The following MAPK10 variants were observed in gnomAD, a reference collection of about 807,000 sequenced individuals.
The protein encoded by MAPK10 is JNK3 alpha protein kinase.
In MAPK10, 25 loss-of-function variants were observed where a neutral mutation model predicts 59.3. The observed-to-expected ratio is 0.42, with a 90% confidence interval of 0.31 to 0.59. MAPK10 has a LOEUF of 0.59. MAPK10 is among the 20% of genes least tolerant of loss of function. The pLI is 0.15. For synonymous variants in MAPK10, 190 were observed against 200.5 expected (o/e 0.95, Z 0.44); for missense variants, 351 against 568.9 (o/e 0.62, Z 3.90).
chr4:86,107,902 TC>T (rs2056818484), intron 4 of MAPK10, among the ~76,000 whole-genome samples: 1 of 152,140 alleles, frequency 6.6e-6, no homozygotes, highest in Non-Finnish European at 1.5e-5. Context: ...CTTGCTATGT[TC>T]CCCAGGCTAG....
upstream of MAPK10, among the ~76,000 whole-genome samples, chr4:86,363,778 G>C (rs1427113426): frequency 6.6e-6 from 1 of 152,008 alleles, no homozygotes; most frequent in East Asian, 1.9e-4. Context: ...TAAAATTTTG[G>C]TTAAATAAAA....
At chr4:86,190,159 T>C (rs945249638) in intron 3 of MAPK10, among the ~76,000 whole-genome samples, 25 of 152,174 alleles carry the variant, frequency 1.6e-4, no homozygotes, top group Admixed American at 1.6e-3. Flanking sequence ...CAGTATTTTA[T>C]TGAGGATTTT....
intron 1 of MAPK10, among the ~76,000 whole-genome samples, chr4:86,511,350 A>G (rs1756222098): frequency 6.6e-6 from 1 of 151,958 alleles, no homozygotes; most frequent in African/African-American, 2.4e-5. Flanking sequence ...TGAGCTCAGG[A>G]GTTCGAGACC....
intron 1 of MAPK10, among the ~76,000 whole-genome samples, chr4:86,464,501 C>A (rs951151036): frequency 1.3e-5 from 2 of 152,212 alleles, no homozygotes; most frequent in African/African-American, 2.4e-5. Flanking sequence ...TTTCTTTACT[C>A]AATTGCAAAC....
At chr4:86,534,276 T>C (rs1353528980) in intron 1 of MAPK10, among the ~76,000 whole-genome samples, 1 of 152,180 alleles carries the variant, frequency 6.6e-6, no homozygotes, top group East Asian at 1.9e-4. Flanking sequence ...GACTTAGTTA[T>C]AAAATTAACC....
At chr4:86,442,843 A>G (rs1749572261) in intron 1 of MAPK10, among the ~76,000 whole-genome samples, 1 of 152,226 alleles carries the variant, frequency 6.6e-6, no homozygotes, top group Non-Finnish European at 1.5e-5. Flanking sequence ...TCAATATTTT[A>G]ATAAAAATAA....
intron 2 of MAPK10, among the ~76,000 whole-genome samples, chr4:86,223,202 C>G (rs975841190): frequency 1.3e-5 from 2 of 152,148 alleles, no homozygotes; most frequent in African/African-American, 2.4e-5. Context: ...ATATCAGCTC[C>G]CCTTTAATGA....
At chr4:86,383,638 A>G (rs1043793884) in intron 1 of MAPK10, among the ~76,000 whole-genome samples, 1 of 152,214 alleles carries the variant, frequency 6.6e-6, no homozygotes, top group Admixed American at 6.5e-5. Flanking sequence ...AAGGTATTCT[A>G]ATTAAAACAC....
At chr4:86,074,488 T>C (rs2048791418) in intron 9 of MAPK10, among the ~76,000 whole-genome samples, 1 of 147,054 alleles carries the variant, frequency 6.8e-6, no homozygotes, top group Admixed American at 6.7e-5. Context: ...CTTCCTAGTC[T>C]CGATGGTCTT....
chr4:86,132,191 T>C (rs1417839882), intron 4 of MAPK10, among the ~76,000 whole-genome samples: 1 of 152,222 alleles, frequency 6.6e-6, no homozygotes, highest in Non-Finnish European at 1.5e-5. Flanking sequence ...AACCTAATTA[T>C]TTAATCATTG....
chr4:86,131,670 A>C (rs1282595483), intron 4 of MAPK10, among the ~76,000 whole-genome samples: 1 of 152,212 alleles, frequency 6.6e-6, no homozygotes, highest in Non-Finnish European at 1.5e-5. Context: ...TTGTTTCAGC[A>C]TAAATCCTGT....
intron 1 of MAPK10, among the ~76,000 whole-genome samples, chr4:86,535,197 G>C (rs1245656926): frequency 1.3e-5 from 2 of 152,092 alleles, no homozygotes; most frequent in Admixed American, 1.3e-4. Context: ...ATTTGTTTCT[G>C]AGAAGTGATC....
At chr4:86,331,113 C>T (rs912736451) in intron 2 of MAPK10, among the ~76,000 whole-genome samples, 1 of 152,110 alleles carries the variant, frequency 6.6e-6, no homozygotes, top group Non-Finnish European at 1.5e-5. Context: ...CAGGTCATAA[C>T]TACCCATCTT....
rs190576358 is a variant in MAPK10 at position 86,169,941 on chromosome 4, G to A, written c.67-10474C>T. On this transcript the variant is annotated intron_variant, in intron 3 of 13. Transcript: ENST00000641462. ...TCTTAAAGAAAAGAATTTCAACCCA[G>A]AATTTCATATCCAGCCAAACTAAGC... is the stretch of plus-strand genomic sequence containing the variant. Among the ~76,000 whole-genome samples the A allele has an allele frequency of 2.4e-4, 36 of 152,194 alleles. No homozygotes were observed. In the East Asian group the frequency reaches 6.9e-3, roughly 29 times the overall value.
chr4:86,391,702 A>G (rs1742207236), intron 1 of MAPK10, among the ~76,000 whole-genome samples: 1 of 152,194 alleles, frequency 6.6e-6, no homozygotes, highest in Admixed American at 6.5e-5. Context: ...AATAATTCAT[A>G]TGCAACAAGA....
At chr4:86,452,276 C>T (rs1490689184) in intron 1 of MAPK10, among the ~76,000 whole-genome samples, 1 of 152,176 alleles carries the variant, frequency 6.6e-6, no homozygotes, top group South Asian at 2.1e-4. Flanking sequence ...ACTAACGTGA[C>T]CCTTGGTAGG....
chr4:86,334,019 C>G (rs7691172), intron 2 of MAPK10, among the ~76,000 whole-genome samples: 111,636 of 151,950 alleles, frequency 0.73, 41,523 homozygotes, highest in South Asian at 0.9. Context: ...GATGAGGACT[C>G]ACCATAACCT....
chr4:86,529,716 C>A (rs1425043836), intron 1 of MAPK10, among the ~76,000 whole-genome samples: 2 of 152,134 alleles, frequency 1.3e-5, no homozygotes, highest in Non-Finnish European at 2.9e-5. Context: ...GGTGGTTGGG[C>A]CAATTCCCTA....
intron 1 of MAPK10, among the ~76,000 whole-genome samples, chr4:86,374,414 A>T (rs548158417): frequency 3.2e-4 from 48 of 152,298 alleles, no homozygotes; most frequent in Non-Finnish European, 4.4e-4. Context: ...ATAAAAAAAA[A>T]ATTTTTAAAA....
Sources: allele counts gnomAD v4.1 joint callset (sites outside exome capture counted in the v4.1 genomes callset), GRCh38; gene constraint gnomAD v4.1.1; transcripts MANE v1.5; gene names NCBI Gene and HGNC (gene_info 2026-07-23, HGNC 2026-07-21).